The following TTC21A variants were observed in gnomAD, a reference collection of about 807,000 sequenced individuals.
The protein encoded by TTC21A is tetratricopeptide repeat protein 21A.
Under a neutral mutation model 156.4 loss-of-function variants are expected in TTC21A, and 128 were observed. The observed-to-expected ratio is 0.82, with a 90% CI of 0.71 to 0.95. The LOEUF (loss-of-function observed/expected upper bound fraction) is 0.95, where lower values mean the gene tolerates loss of function less well. TTC21A is among the 40% of genes least tolerant of loss of function. The pLI is 0.00. For missense variants in TTC21A, 1,435 were observed against 1,602.3 expected, an observed-to-expected ratio of 0.90 and a Z score of 1.78; for synonymous variants, 587 against 617.1, an observed-to-expected ratio of 0.95 and a Z score of 0.72.
chr3:39,116,204 A>G (rs1297173301), intron 6 of TTC21A, among the ~76,000 whole-genome samples: 3 of 152,244 alleles, frequency 2.0e-5, no homozygotes, highest in African/African-American at 7.2e-5. Context: ...GTGTTCCCTC[A>G]TGGAAGCTTT....
chr3:39,121,472 A>C (rs1448873383), intron 9 of TTC21A, among the ~76,000 whole-genome samples: 1 of 152,158 alleles, frequency 6.6e-6, no homozygotes, highest in Non-Finnish European at 1.5e-5. Flanking sequence ...CCTTATACTC[A>C]GTGGGCCCTG....
rs759499690 is a variant in TTC21A, at chr3:39,128,697, C to T, written c.1681-20C>T. On this transcript the variant is annotated intron_variant, in intron 13 of 28. Transcript: ENST00000683103. ...AGCAGCAGTGAACTGGAGCCCCACA[C>T]TCTGCTGTGCTCCTCCTAGGTCCGA... is the stretch of plus-strand genomic sequence containing the variant. 2 of 1,609,796 alleles carry T rather than the reference C, an allele frequency of 1.2e-6. No individual in the cohort carries two copies. Among genetic ancestry groups the T allele is most frequent in the South Asian group, 1.1e-5 (1 of 90,926 alleles).
At chr3:39,129,365 G>C in intron 15 of TTC21A, 55 bp downstream of exon 15, 1 of 1,345,410 alleles carries the variant, frequency 7.4e-7, no homozygotes, top group Non-Finnish European at 1.1e-6. Flanking sequence ...ATCTTAGGGA[G>C]TGTTTCCTTC....
At chr3:39,135,020 C>T in intron 21 of TTC21A, 73 bp from the exon 22 acceptor site, 1 of 1,076,484 alleles carries the variant, frequency 9.3e-7, no homozygotes, top group Non-Finnish European at 1.4e-6. Context: ...CACCCCCATA[C>T]CCCCCGCCTC....
Position 39,110,010 on chromosome 3 carries a change from A to T in TTC21A, c.158-19A>T. On this transcript the variant is annotated intron_variant, in intron 2 of 28. Transcript: ENST00000683103. Reference sequence around the variant, plus strand: ...AGTCCTGGAGCTTGAGAGTATAACTATGTGGACTGTCTTTGCAGAGCACAT... The same window carrying T: ...AGTCCTGGAGCTTGAGAGTATAACTTTGTGGACTGTCTTTGCAGAGCACAT... The T allele has an allele frequency of 1.3e-6, 2 of 1,586,000 alleles. No individual in the cohort carries two copies. Among genetic ancestry groups the T allele is most frequent in the Non-Finnish European group, 1.7e-6 (2 of 1,155,416 alleles).
chr3:39,110,174 C>G (rs1435446492), intron 3 of TTC21A, 35 bp downstream of exon 3: 1 of 1,527,132 alleles, frequency 6.5e-7, no homozygotes, highest in South Asian at 1.1e-5. Context: ...GCCTGACCCA[C>G]CAGGGGAAGG....
rs1559711970 is a variant in TTC21A at position 39,133,193 on chromosome 3, G to A, written c.2704G>A (p.Val902Ile). Residue 902 changes from valine to isoleucine, a missense_variant, in exon 20 of 29, where the codon GTA becomes ATA. Coordinates refer to ENST00000683103, the MANE Select transcript of TTC21A (RefSeq NM_001366900.1). ...YLAEKEYDKA[V>I]QSYKDVFSYL... Reference sequence around the variant, plus strand: ...GGCAGAGAAAGAGTATGACAAGGCGGTACAGTCTTATAAGGATGTCTTCTC... The same window carrying A: ...GGCAGAGAAAGAGTATGACAAGGCGATACAGTCTTATAAGGATGTCTTCTC... 10 of 1,614,218 alleles carry A rather than the reference G, an allele frequency of 6.2e-6. No homozygotes were observed. Among genetic ancestry groups the A allele is most frequent in the Non-Finnish European group, 6.8e-6 (8 of 1,180,046 alleles).
rs1175725190 is a variant in TTC21A, at chr3:39,137,318, G to A, written c.3381G>A (p.Arg1127=). The change falls in exon 25 of 29, where the codon CGG becomes CGA. Residue 1127 remains arginine (R), a synonymous_variant. Coordinates refer to ENST00000683103, the MANE Select transcript of TTC21A (RefSeq NM_001366900.1). The part of the protein sequence containing the change: ...TQLRLLQGLC[R]LATREKANME... ...TGCGGCTGCTGCAGGGCCTCTGCCG[G>A]CTGGCCACCAGGGAGAAGGCTAACA... 3 of 1,614,014 alleles carry A rather than the reference G, an allele frequency of 1.9e-6. No individual in the cohort carries two copies. The highest frequency in any genetic ancestry group is 2.5e-6 in the Non-Finnish European group (3 of 1,179,972).
In TTC21A at chr3:39,133,081, G is replaced by T; in HGVS notation, c.2592G>T (p.Lys864Asn). Residue 864 changes from lysine (K) to asparagine (N), a missense_variant, in exon 20 of 29, where the codon AAG becomes AAT. Transcript: ENST00000683103. The part of the protein sequence containing the change: ...KALDLQSRIL[K>N]RVPLEQPEMI... ...TGGACCTCCAGTCTCGGATACTGAAGCGAGTTCCACTGGAGCAACCAGAAA... is the reference window on the plus strand; with the variant it reads ...TGGACCTCCAGTCTCGGATACTGAATCGAGTTCCACTGGAGCAACCAGAAA... 6.2e-7 allele frequency: 1 copy of T among 1,614,248 alleles called. No individual in the cohort carries two copies. The highest frequency in any genetic ancestry group is 1.3e-5 in the African/African-American group (1 of 75,062).
Position 39,126,475 on chromosome 3 carries a change from T to C in TTC21A, c.1522+85T>C, listed in dbSNP as rs983490653. 2.7e-4 allele frequency: 140 copies of C among 520,556 alleles called. 2 individuals carry two copies. Among genetic ancestry groups the C allele is most frequent in the Non-Finnish European group, 4.2e-4 (128 of 304,698 alleles). 32.2% of individuals were successfully genotyped at this position (520,556 alleles called of 1,614,324 possible). On this transcript the variant is annotated intron_variant, in intron 12 of 28. Coordinates refer to ENST00000683103, the MANE Select transcript of TTC21A (RefSeq NM_001366900.1). Reference sequence around the variant, plus strand: ...TCTGCAGGCTCCTTGCCTAGGATACTACACACACACACACACACACACACA... The same window carrying C: ...TCTGCAGGCTCCTTGCCTAGGATACCACACACACACACACACACACACACA...
intron 6 of TTC21A, among the ~76,000 whole-genome samples, chr3:39,115,046 G>A (rs546982224): frequency 9.9e-5 from 15 of 152,210 alleles, no homozygotes; most frequent in African/African-American, 3.6e-4. Flanking sequence ...AGAGTTACAG[G>A]GTAGAAAGCA....
In TTC21A at chr3:39,131,043, C is replaced by A. The variant is rs76242859; in HGVS notation, c.2510C>A (p.Ala837Glu). ...GATGTTAAGTGCCTGCTTTTGCTGG[C>A]AAAGGTTTACAAGAGCCATAAAAAA... ...MNDVKCLLLL[A>E]KVYKSHKKEA... Residue 837 changes from alanine to glutamate, a missense_variant, in exon 19 of 29, where the codon GCA becomes GAA. Physicochemically the swap from Ala to Glu is moderately radical, Grantham distance 107 (BLOSUM62 -1). Transcript: ENST00000683103. 6.2e-7 allele frequency: 1 copy of A among 1,613,302 alleles called. No individual in the cohort carries two copies. Among genetic ancestry groups the A allele is most frequent in the East Asian group, 2.2e-5 (1 of 44,874 alleles).
At chr3:39,125,739 C>G (rs1274555343) in intron 11 of TTC21A, among the ~76,000 whole-genome samples, 1 of 152,220 alleles carries the variant, frequency 6.6e-6, no homozygotes, top group Admixed American at 6.5e-5. Context: ...GATTCTGACT[C>G]TACAGGGGGG....
rs575796642 is a variant in TTC21A at position 39,110,895 on chromosome 3, C to G, written c.313C>G (p.Arg105Gly). The G allele has an allele frequency of 4.3e-6, 7 of 1,613,998 alleles. No homozygotes were observed. Among genetic ancestry groups the G allele is most frequent in the Admixed American group, 1.7e-5 (1 of 60,016 alleles). ...GCTTGAGTACAGCCTGAAGGAAATA[C>G]GCAAGACAGTCAGTGGGACTGCACT... The part of the protein sequence containing the change: ...QELEYSLKEI[R>G]KTVSGTALYY... The change falls in exon 4 of 29, where the codon CGC becomes GGC. Residue 105 changes from arginine to glycine, a missense_variant. Transcript: ENST00000683103.
rs747889001 is a variant in TTC21A at position 39,125,546 on chromosome 3, C to G, written c.1392+14C>G. On this transcript the variant is annotated intron_variant, in intron 11 of 28. Transcript: ENST00000683103. ...TGCCCCAAGCAGGTTAGGGGAAGGC[C>G]TGTCTTCATGGTGGGGGTCTGGAGT... The G allele has an allele frequency of 1.9e-6, 3 of 1,586,030 alleles. No homozygotes were observed. The South Asian group carries it at 3.3e-5, about 18-fold the overall frequency.
chr3:39,130,613 C>A lies in TTC21A; in HGVS notation c.2320-88C>A. ...TTAGGCTATGTTCTGGAGGGGCACA[C>A]TGGTGTGATGGCTGCTGAGGGGAAC... On this transcript the variant is annotated intron_variant, in intron 17 of 28. Transcript: ENST00000683103. The surrounding 1 kb of genome is among the most constrained non-coding windows in gnomAD (Gnocchi z 4.5). The A allele has an allele frequency of 6.5e-7, 1 of 1,529,054 alleles. No homozygotes were observed. 94.7% of individuals were successfully genotyped at this position (1,529,054 alleles called of 1,614,324 possible).
chr3:39,126,251 G>A lies in TTC21A; in HGVS notation c.1393-10G>A, dbSNP rs1338074246. 1 of 1,613,974 alleles carries A rather than the reference G, an allele frequency of 6.2e-7. No homozygotes were observed. Among genetic ancestry groups the A allele is most frequent in the South Asian group, 1.1e-5 (1 of 91,070 alleles). On this transcript the variant is annotated splice_polypyrimidine_tract_variant and intron_variant, in intron 11 of 28. Coordinates refer to ENST00000683103, the MANE Select transcript of TTC21A (RefSeq NM_001366900.1). The stretch of plus-strand genomic sequence containing the variant: ...AACCTACTCCCACCTCCACCGCCGT[G>A]TTCCCACAGCCCAGGTTACCAGGCC...
chr3:39,108,065 C>T lies in TTC21A; in HGVS notation c.27+201C>T, dbSNP rs543481676. 18 of 609,626 alleles carry T rather than the reference C, an allele frequency of 3.0e-5. No individual in the cohort carries two copies. In the East Asian group the frequency reaches 4.2e-4, roughly 14 times the overall value. The allele number at this position is 609,626 out of a possible 1,614,324, so 37.8% of individuals were successfully genotyped here. A position where few individuals can be genotyped will look rare whatever the true frequency, so the allele number is the denominator to read the frequency against. On this transcript the variant is annotated intron_variant, in intron 1 of 28. Coordinates refer to ENST00000683103, the MANE Select transcript of TTC21A (RefSeq NM_001366900.1). ...CACCCTGAGCCCCAAATTAGCATCC[C>T]CGTTTCTTGAGCTACCCCAAACCAG...
At chr3:39,128,152 A>G (rs966356906) in intron 12 of TTC21A, among the ~76,000 whole-genome samples, 179 bp from the exon 13 acceptor site, 1 of 152,208 alleles carries the variant, frequency 6.6e-6, no homozygotes, top group Non-Finnish European at 1.5e-5. Context: ...TCAAGGAAAC[A>G]ACTGTGTAGT....
Sources: allele counts gnomAD v4.1 joint callset (sites outside exome capture counted in the v4.1 genomes callset), GRCh38; gene constraint gnomAD v4.1.1; non-coding constraint Gnocchi (gnomAD v3.1); transcripts MANE v1.5; gene names NCBI Gene and HGNC (gene_info 2026-07-23, HGNC 2026-07-21).